KCNQ3: variants seen among roughly 807,000 people sequenced by gnomAD.
The protein encoded by KCNQ3 is potassium voltage-gated channel subfamily KQT member 3.
A neutral mutation model predicts 92.5 loss-of-function variants in KCNQ3; 30 were observed. The observed-to-expected ratio is 0.32, with a 90% CI of 0.24 to 0.44. The LOEUF is 0.44. Among genes scored for constraint, KCNQ3 ranks in the 20% least tolerant of loss-of-function variants. KCNQ3 has a pLI of 1.00. For missense variants in KCNQ3, 913 were observed against 1,140.3 expected (o/e 0.80, Z 2.87); for synonymous variants, 450 against 468.8 (o/e 0.96, Z 0.52).
rs1002563429 is a variant in KCNQ3 at position 132,373,829 on chromosome 8, T to G, written c.386+106318A>C. ...GTCCTCCCTGCCCAGCTCCCCAGGT[T>G]GGTTCCACCCAAGGATAAGCTCATC... On this transcript the variant is annotated intron_variant, in intron 1 of 14. Transcript: ENST00000388996. 6.4e-4 allele frequency among the ~76,000 whole-genome samples: 98 copies of G among 152,122 alleles called. 1 individual carries two copies. The highest frequency in any genetic ancestry group is 2.1e-3 in the African/African-American group (87 of 41,432).
intron 3 of KCNQ3, among the ~76,000 whole-genome samples, chr8:132,181,833 C>T (rs1283697620): frequency 6.6e-6 from 1 of 152,068 alleles, no homozygotes; most frequent in African/African-American, 2.4e-5. Flanking sequence ...GCGGGCAGAT[C>T]ACGAGGTCAG....
chr8:132,248,955 A>G (rs1164594249), intron 1 of KCNQ3, among the ~76,000 whole-genome samples: 1 of 152,182 alleles, frequency 6.6e-6, no homozygotes, highest in Non-Finnish European at 1.5e-5. Context: ...ATGAAGCCGC[A>G]GACCCTCGCG....
chr8:132,175,663 A>C lies in KCNQ3; in HGVS notation c.778-55T>G, dbSNP rs1419731333. The C allele has an allele frequency of 3.2e-6, 5 of 1,562,104 alleles. No individual in the cohort carries two copies. The African/African-American group carries it at 5.4e-5, about 17-fold the overall frequency. The stretch of plus-strand genomic sequence containing the variant: ...TGGTCACTGGGGAGTCGTTGAGTGG[A>C]TGCTGGAGCCAGACACACCAGAGTT... On this transcript the variant is annotated intron_variant, in intron 4 of 14. Coordinates refer to ENST00000388996, the MANE Select transcript of KCNQ3 (RefSeq NM_004519.4).
rs546171998 is a variant in KCNQ3, at chr8:132,426,968, G to T, written c.386+53179C>A. On this transcript the variant is annotated intron_variant, in intron 1 of 14. Transcript: ENST00000388996. Reference sequence around the variant, plus strand: ...ATTATTATTAACTAGTGGACAGTAGGGCACAGATTAAGACTATAAAGCTAT... The same window carrying T: ...ATTATTATTAACTAGTGGACAGTAGTGCACAGATTAAGACTATAAAGCTAT... Among the ~76,000 whole-genome samples the T allele has an allele frequency of 2.0e-5, 3 of 152,206 alleles. No individual in the cohort carries two copies. In the South Asian group the frequency reaches 6.2e-4, roughly 32 times the overall value.
intron 8 of KCNQ3, among the ~76,000 whole-genome samples, chr8:132,165,394 T>C (rs766945283): frequency 6.6e-6 from 1 of 152,202 alleles, no homozygotes; most frequent in African/African-American, 2.4e-5. Context: ...GCTAAATGAA[T>C]GGACTAAATG....
intron 1 of KCNQ3, among the ~76,000 whole-genome samples, chr8:132,395,692 A>T (rs1203315495): frequency 6.6e-6 from 1 of 152,214 alleles, no homozygotes; most frequent in Non-Finnish European, 1.5e-5. Flanking sequence ...AGCTTCTACA[A>T]TGATATGCCT....
intron 1 of KCNQ3, among the ~76,000 whole-genome samples, chr8:132,224,956 A>T (rs1239647230): frequency 6.6e-6 from 1 of 152,214 alleles, no homozygotes; most frequent in Non-Finnish European, 1.5e-5. Flanking sequence ...CAGTAGAATG[A>T]TTAACAGAGC....
intron 3 of KCNQ3, among the ~76,000 whole-genome samples, chr8:132,182,040 C>T (rs1179191399): frequency 1.0e-4 from 15 of 143,696 alleles, no homozygotes; most frequent in Middle Eastern, 3.6e-3. Flanking sequence ...AGCGAGACTC[C>T]GTCTCAAAAA....
rs1325804211 is a variant in KCNQ3, at chr8:132,237,403, C to T, written c.387-51222G>A. Among the ~76,000 whole-genome samples, 4 of 152,140 alleles carry T rather than the reference C, an allele frequency of 2.6e-5. No homozygotes were observed. The East Asian group carries it at 7.7e-4, about 29-fold the overall frequency. On this transcript the variant is annotated intron_variant, in intron 1 of 14. Transcript: ENST00000388996. Reference sequence around the variant, plus strand: ...CATACCAACATTTACAAGACAGGAACTAGTATTTTCATCTTTATTTGCAGC... The same window carrying T: ...CATACCAACATTTACAAGACAGGAATTAGTATTTTCATCTTTATTTGCAGC...
At chr8:132,456,010 G>T (rs1457187461) in intron 1 of KCNQ3, among the ~76,000 whole-genome samples, 1 of 152,098 alleles carries the variant, frequency 6.6e-6, no homozygotes, top group Non-Finnish European at 1.5e-5. Flanking sequence ...CTCCCAAAGT[G>T]CTGGGATTAC....
At chr8:132,134,769 A>G (rs971497220) in intron 12 of KCNQ3, among the ~76,000 whole-genome samples, 1 of 151,448 alleles carries the variant, frequency 6.6e-6, no homozygotes, top group African/African-American at 2.4e-5. Context: ...TTTTCATAGG[A>G]AATGTCATAG....
chr8:132,135,364 G>C (rs1279723512), intron 12 of KCNQ3, among the ~76,000 whole-genome samples: 1 of 152,124 alleles, frequency 6.6e-6, no homozygotes, highest in Non-Finnish European at 1.5e-5. Flanking sequence ...CGGGGTGGGA[G>C]GGAAAGCAGG....
intron 1 of KCNQ3, among the ~76,000 whole-genome samples, chr8:132,364,597 A>T (rs2130728256): frequency 6.6e-6 from 1 of 152,320 alleles, no homozygotes; most frequent in South Asian, 2.1e-4. Flanking sequence ...TTATAGGCTC[A>T]GGACCTAGGA....
chr8:132,430,697 G>T (rs952684179), intron 1 of KCNQ3, among the ~76,000 whole-genome samples: 1 of 152,228 alleles, frequency 6.6e-6, no homozygotes, highest in Non-Finnish European at 1.5e-5. Flanking sequence ...CAGACAATGA[G>T]TCTATTTCGG....
intron 9 of KCNQ3, among the ~76,000 whole-genome samples, chr8:132,143,769 G>A (rs868046439): frequency 6.6e-6 from 1 of 152,206 alleles, no homozygotes. Flanking sequence ...GAAGGCTGAC[G>A]ATGTGTGTGA....
chr8:132,156,673 C>A (rs1288461670), intron 9 of KCNQ3, among the ~76,000 whole-genome samples: 1 of 152,186 alleles, frequency 6.6e-6, no homozygotes, highest in Non-Finnish European at 1.5e-5. Flanking sequence ...CATATGCAAC[C>A]TACCACACTT....
chr8:132,283,686 A>G (rs1472421320), intron 1 of KCNQ3, among the ~76,000 whole-genome samples: 1 of 152,226 alleles, frequency 6.6e-6, no homozygotes, highest in Non-Finnish European at 1.5e-5. Flanking sequence ...TCAGTGACAC[A>G]TCATGTGGGG....
intron 1 of KCNQ3, among the ~76,000 whole-genome samples, chr8:132,361,986 TTAAA>T (rs751205920): frequency 7.2e-5 from 11 of 152,142 alleles, no homozygotes; most frequent in Non-Finnish European, 1.0e-4. Flanking sequence ...TTAGCAAATA[TTAAA>T]TAATAATAGT....
intron 1 of KCNQ3, among the ~76,000 whole-genome samples, chr8:132,267,283 G>A (rs1816013702): frequency 6.6e-6 from 1 of 152,084 alleles, no homozygotes; most frequent in South Asian, 2.1e-4. Flanking sequence ...CTCAAATTCA[G>A]GCATAATCCT....
Sources: gnomAD v4.1 joint callset for allele counts (sites outside exome capture counted in the v4.1 genomes callset) on GRCh38, gnomAD v4.1.1 for gene constraint, MANE v1.5 for transcripts, NCBI Gene and HGNC (gene_info 2026-07-23, HGNC 2026-07-21) for gene names.